The following SLC30A9 variants were observed in gnomAD, a reference collection of about 807,000 sequenced individuals.
SLC30A9 encodes proton-coupled zinc antiporter SLC30A9, mitochondrial.
SLC30A9 carries 58 observed loss-of-function variants against 87.5 expected under a neutral mutation model. The ratio of observed to expected loss-of-function variants is 0.66; its 90% confidence interval spans 0.54 to 0.82. SLC30A9 has a LOEUF of 0.82. SLC30A9 is among the 40% of genes least tolerant of loss of function. The pLI, the probability that SLC30A9 is intolerant of heterozygous loss-of-function variation, is 0.00. For synonymous variants in SLC30A9, 234 were observed against 233.0 expected, an observed-to-expected ratio of 1.00 and a Z score of -0.04; for missense variants, 557 against 679.1, an observed-to-expected ratio of 0.82 and a Z score of 2.00.
intron 1 of SLC30A9, among the ~76,000 whole-genome samples, chr4:41,996,958 C>T (rs760517704): frequency 2.0e-5 from 3 of 151,778 alleles, no homozygotes; most frequent in South Asian, 2.1e-4. Flanking sequence ...CACTTGAACC[C>T]GGGAGGTAGA....
Position 42,001,643 on chromosome 4 carries a change from G to C in SLC30A9, c.137G>C (p.Ser46Thr). ...QEWQNLVTFG[S>T]FSNMVPCSHP... ...TGGCAGAATTTAGTGACATTTGGAA[G>C]CTTTTCAAACATGGTTCCCTGTAGT... The change falls in exon 2 of 18, where the codon AGC becomes ACC. Residue 46 changes from serine to threonine, a missense_variant. By Grantham distance (58) the Ser-to-Thr change is moderately conservative. This residue lies in a region of SLC30A9 where 467 missense variants were observed against 529.8 expected (regional missense o/e 0.88). Coordinates refer to ENST00000264451, the MANE Select transcript of SLC30A9 (RefSeq NM_006345.4). 6.3e-7 allele frequency: 1 copy of C among 1,596,982 alleles called. No individual in the cohort carries two copies. The highest frequency in any genetic ancestry group is 8.6e-7 in the Non-Finnish European group (1 of 1,169,356).
chr4:42,016,400 G>C (rs1248015753), intron 2 of SLC30A9, among the ~76,000 whole-genome samples: 1 of 151,990 alleles, frequency 6.6e-6, no homozygotes, highest in African/African-American at 2.4e-5. Flanking sequence ...GAACTTCACT[G>C]TCTTGATCAC....
chr4:42,017,090 T>C (rs1715753683), intron 2 of SLC30A9, among the ~76,000 whole-genome samples: 1 of 152,188 alleles, frequency 6.6e-6, no homozygotes, highest in Non-Finnish European at 1.5e-5. Flanking sequence ...TTCCATACCC[T>C]TGCCAACATT....
At chr4:42,020,586 G>T in intron 4 of SLC30A9, 71 bp downstream of exon 4, 1 of 810,460 alleles carries the variant, frequency 1.2e-6, no homozygotes, top group Non-Finnish European at 2.0e-6. Context: ...TTCTTAGAGT[G>T]TGTTACCTGC....
intron 16 of SLC30A9, among the ~76,000 whole-genome samples, chr4:42,076,561 A>T (rs975729204): frequency 9.9e-5 from 15 of 152,176 alleles, no homozygotes; most frequent in African/African-American, 3.6e-4. Context: ...GTGTTAATTT[A>T]TATATCTCTA....
intron 16 of SLC30A9, among the ~76,000 whole-genome samples, chr4:42,076,765 C>T (rs922508814): frequency 2.0e-5 from 3 of 151,842 alleles, no homozygotes; most frequent in Non-Finnish European, 4.4e-5. Flanking sequence ...AGATCGATCC[C>T]ATCCTGGCCC....
chr4:42,075,326 G>A (rs1415173879), intron 15 of SLC30A9, among the ~76,000 whole-genome samples: 3 of 151,252 alleles, frequency 2.0e-5, no homozygotes, highest in East Asian at 1.9e-4. Flanking sequence ...CTCCCTGCTC[G>A]GCCTCCGAAA....
chr4:42,014,489 G>A (rs963910825), intron 2 of SLC30A9, among the ~76,000 whole-genome samples: 7 of 151,850 alleles, frequency 4.6e-5, no homozygotes, highest in Admixed American at 2.0e-4. Flanking sequence ...CCCAGGAGGC[G>A]GAGGTTGCAG....
chr4:42,090,001 A>G lies in SLC30A9; in HGVS notation c.*3875A>G, dbSNP rs1241278109. On this transcript the variant is annotated 3_prime_UTR_variant, in exon 18 of 18. Transcript: ENST00000264451. ...TTGCTAAAATGATAACCATCTAAAGAGTGCCTAAGTTTTAAGTCTCGTAAC... is the reference window on the plus strand; with the variant it reads ...TTGCTAAAATGATAACCATCTAAAGGGTGCCTAAGTTTTAAGTCTCGTAAC... The G allele has an allele frequency of 6.6e-6, 1 of 152,216 alleles. No homozygotes were observed. The highest frequency in any genetic ancestry group is 2.4e-5 in the African/African-American group (1 of 41,460). The allele number at this position is 152,216 out of a possible 1,614,324, so 9.4% of individuals were successfully genotyped here.
chr4:42,048,043 CAG>C (rs1185291797), intron 8 of SLC30A9, among the ~76,000 whole-genome samples: 1 of 150,912 alleles, frequency 6.6e-6, no homozygotes, highest in East Asian at 2.0e-4. Flanking sequence ...CACATGGACA[CAG>C]AGAGGGGAAT....
chr4:42,063,194 C>A, intron 11 of SLC30A9, 73 bp downstream of exon 11: 1 of 1,366,370 alleles, frequency 7.3e-7, no homozygotes, highest in South Asian at 1.3e-5. Flanking sequence ...AGGCCTTTGT[C>A]ATATTGGTGT....
intron 17 of SLC30A9, among the ~76,000 whole-genome samples, chr4:42,083,918 G>A (rs2153141696): frequency 6.6e-6 from 1 of 152,262 alleles, no homozygotes. Flanking sequence ...AGTACCCCCA[G>A]GCACACCTGA....
intron 2 of SLC30A9, among the ~76,000 whole-genome samples, chr4:42,002,437 A>G (rs1241263743): frequency 6.6e-6 from 1 of 151,510 alleles, no homozygotes; most frequent in Non-Finnish European, 1.5e-5. Context: ...TCTCTCCCTC[A>G]TCTAGTAGTC....
At chr4:42,032,217 C>T (rs1025847020) in intron 6 of SLC30A9, among the ~76,000 whole-genome samples, 2 of 152,024 alleles carry the variant, frequency 1.3e-5, no homozygotes, top group East Asian at 3.9e-4. Flanking sequence ...GTTACCCCCC[C>T]ACCAGGCCCC....
intron 8 of SLC30A9, among the ~76,000 whole-genome samples, chr4:42,046,249 A>G (rs1717147201): frequency 6.6e-6 from 1 of 152,188 alleles, no homozygotes; most frequent in African/African-American, 2.4e-5. Context: ...ATCAGGCAAG[A>G]GAAAGAAATA....
intron 17 of SLC30A9, among the ~76,000 whole-genome samples, chr4:42,082,145 A>G (rs1455902171): frequency 6.6e-6 from 1 of 151,988 alleles, no homozygotes; most frequent in Non-Finnish European, 1.5e-5. Context: ...TGAACCCAGG[A>G]GGCAGAGCTT....
At chr4:42,016,685 A>G (rs1715733141) in intron 2 of SLC30A9, among the ~76,000 whole-genome samples, 1 of 152,182 alleles carries the variant, frequency 6.6e-6, no homozygotes, top group Non-Finnish European at 1.5e-5. Flanking sequence ...AAATGAGTTG[A>G]TACATGCTTA....
chr4:42,006,949 G>T (rs534844145), intron 2 of SLC30A9, among the ~76,000 whole-genome samples: 24 of 152,132 alleles, frequency 1.6e-4, no homozygotes, highest in Non-Finnish European at 2.8e-4. Context: ...TCAGATCGGG[G>T]TCTTGTTTGG....
intron 1 of SLC30A9, among the ~76,000 whole-genome samples, chr4:42,001,283 C>G (rs1367992355): frequency 1.3e-5 from 2 of 151,952 alleles, no homozygotes; most frequent in Non-Finnish European, 2.9e-5. Flanking sequence ...CCTGACCTTC[C>G]CTCCCAGAGT....
Sources: gnomAD v4.1 joint callset for allele counts (sites outside exome capture counted in the v4.1 genomes callset) on GRCh38, gnomAD v4.1.1 for gene constraint, gnomAD v4.1.1 regional missense constraint, MANE v1.5 for transcripts, NCBI Gene and HGNC (gene_info 2026-07-23, HGNC 2026-07-21) for gene names.